IQCM: variants seen among roughly 807,000 people sequenced by gnomAD.
The protein encoded by IQCM is IQ domain-containing protein M.
Under a neutral mutation model 57.6 loss-of-function variants are expected in IQCM, and 45 were observed. The observed-to-expected ratio is 0.78, with a 90% confidence interval of 0.62 to 1.00. IQCM has a LOEUF of 1.00. Ranked by LOEUF, IQCM falls within the 50% of genes least tolerant of loss-of-function variation. The pLI is 0.00. For synonymous variants in IQCM, 148 were observed against 158.9 expected (o/e 0.93, Z 0.51); for missense variants, 468 against 511.6 (o/e 0.91, Z 0.82).
At chr4:149,453,023 A>C (rs553046828) in intron 12 of IQCM, among the ~76,000 whole-genome samples, 2 of 151,570 alleles carry the variant, frequency 1.3e-5, no homozygotes, top group Non-Finnish European at 3.0e-5. Context: ...AGAAATTTTT[A>C]AAAAAGGAAA....
intron 13 of IQCM, among the ~76,000 whole-genome samples, chr4:149,393,582 T>C (rs1343767043): frequency 6.6e-6 from 1 of 151,966 alleles, no homozygotes; most frequent in Non-Finnish European, 1.5e-5. Context: ...GATACACATC[T>C]AAACACTGCT....
At chr4:149,416,790 G>A (rs1421696637) in intron 13 of IQCM, among the ~76,000 whole-genome samples, 3 of 152,082 alleles carry the variant, frequency 2.0e-5, no homozygotes, top group Non-Finnish European at 2.9e-5. Flanking sequence ...CAGACCAGGT[G>A]GGCAAGAGGA....
intron 12 of IQCM, among the ~76,000 whole-genome samples, chr4:149,518,718 A>G (rs1049375688): frequency 6.6e-6 from 1 of 152,216 alleles, no homozygotes; most frequent in African/African-American, 2.4e-5. Flanking sequence ...GGATATTAAG[A>G]TGGAAATGAC....
intron 13 of IQCM, among the ~76,000 whole-genome samples, chr4:149,386,280 G>A (rs575681641): frequency 1.3e-5 from 2 of 152,030 alleles, no homozygotes; most frequent in South Asian, 2.1e-4. Flanking sequence ...GAGGGAAAGT[G>A]GTAATCTCAT....
chr4:149,774,426 A>G (rs1770880060), intron 2 of IQCM, among the ~76,000 whole-genome samples: 1 of 152,218 alleles, frequency 6.6e-6, no homozygotes, highest in South Asian at 2.1e-4. Context: ...CTTTAAAAAA[A>G]CAATATTCAC....
chr4:149,726,124 A>T (rs1228528242), intron 5 of IQCM, among the ~76,000 whole-genome samples: 2 of 145,690 alleles, frequency 1.4e-5, no homozygotes, highest in African/African-American at 2.5e-5. Context: ...AGAAAGAAAG[A>T]AAGAAAGAAA....
At chr4:149,505,368 T>C (rs1396074972) in intron 12 of IQCM, among the ~76,000 whole-genome samples, 4 of 152,210 alleles carry the variant, frequency 2.6e-5, no homozygotes. Context: ...GAGTTTATAG[T>C]TACATTGTAT....
At chr4:149,468,235 G>A (rs1739083833) in intron 12 of IQCM, among the ~76,000 whole-genome samples, 1 of 152,168 alleles carries the variant, frequency 6.6e-6, no homozygotes, top group African/African-American at 2.4e-5. Flanking sequence ...GCAAAGGGAA[G>A]CCATGACCAA....
intron 12 of IQCM, among the ~76,000 whole-genome samples, chr4:149,452,611 T>C (rs1737239803): frequency 6.6e-6 from 1 of 151,546 alleles, no homozygotes; most frequent in South Asian, 2.1e-4. Context: ...AATTGACATA[T>C]AAAAAGCTGT....
At chr4:149,420,805 T>C (rs1266362284) in intron 13 of IQCM, among the ~76,000 whole-genome samples, 1 of 152,066 alleles carries the variant, frequency 6.6e-6, no homozygotes, top group Non-Finnish European at 1.5e-5. Flanking sequence ...TGACTTCCAA[T>C]GATAAAAATC....
At chr4:149,809,336 T>G (rs1013937794) in intron 2 of IQCM, among the ~76,000 whole-genome samples, 9 of 152,100 alleles carry the variant, frequency 5.9e-5, no homozygotes, top group Non-Finnish European at 1.0e-4. Flanking sequence ...ACAGATAGGC[T>G]AAGAACAATC....
chr4:149,433,620 T>A, intron 12 of IQCM, 63 bp from the exon 13 acceptor site: 1 of 607,412 alleles, frequency 1.6e-6, no homozygotes, highest in South Asian at 8.9e-5. Flanking sequence ...TACTTGCTTC[T>A]TTTAAGGGAT....
rs1423189258 is a variant in IQCM, at chr4:149,430,962, G to A, written c.1390+2434C>T. ...TGCCTGTAATTTCAGCACTTTAGGA[G>A]GCTGAGGACGGGCAGATCACTTGAG... is the stretch of plus-strand genomic sequence containing the variant. On this transcript the variant is annotated intron_variant, in intron 13 of 13. Coordinates refer to ENST00000636793, the MANE Select transcript of IQCM (RefSeq NM_001363507.2). Among the ~76,000 whole-genome samples the A allele has an allele frequency of 3.3e-5, 5 of 151,952 alleles. No homozygotes were observed. The East Asian group carries it at 9.7e-4, about 30-fold the overall frequency.
At chr4:149,364,980 A>G (rs1273063799) in intron 13 of IQCM, among the ~76,000 whole-genome samples, 1 of 152,040 alleles carries the variant, frequency 6.6e-6, no homozygotes, top group African/African-American at 2.4e-5. Flanking sequence ...TTATATATAT[A>G]TATAAAATTA....
chr4:149,531,081 T>C (rs946485709), intron 12 of IQCM, among the ~76,000 whole-genome samples: 1 of 152,096 alleles, frequency 6.6e-6, no homozygotes, highest in African/African-American at 2.4e-5. Flanking sequence ...AATACTGGGA[T>C]TCATGTGAAA....
chr4:149,794,128 C>T (rs1324382153), intron 2 of IQCM, among the ~76,000 whole-genome samples: 1 of 152,062 alleles, frequency 6.6e-6, no homozygotes, highest in East Asian at 1.9e-4. Flanking sequence ...TCTGTTGTGC[C>T]CAGGAAAGAA....
chr4:149,426,508 G>GCTTTA (rs1347651412), intron 13 of IQCM, among the ~76,000 whole-genome samples: 12 of 151,984 alleles, frequency 7.9e-5, no homozygotes, highest in Admixed American at 2.0e-4. Context: ...CTGAGAGTTA[G>GCTTTA]GAATCTGGGT....
chr4:149,381,974 CT>C (rs1560789825), intron 13 of IQCM, among the ~76,000 whole-genome samples: 3 of 151,946 alleles, frequency 2.0e-5, no homozygotes. Context: ...GGGTTTCACC[CT>C]GTTGGTCTCG....
At chr4:149,757,288 G>T (rs1007146033) in intron 2 of IQCM, among the ~76,000 whole-genome samples, 2 of 150,164 alleles carry the variant, frequency 1.3e-5, no homozygotes, top group Non-Finnish European at 3.0e-5. Flanking sequence ...TGAGGAAAAA[G>T]AAAAAGAAAA....
Sources: gnomAD v4.1 joint callset for allele counts (sites outside exome capture counted in the v4.1 genomes callset) on GRCh38, gnomAD v4.1.1 for gene constraint, MANE v1.5 for transcripts, NCBI Gene and HGNC (gene_info 2026-07-23, HGNC 2026-07-21) for gene names.